The following HSD17B12 variants were observed in gnomAD, a reference collection of about 807,000 sequenced individuals.
The protein encoded by HSD17B12 is very-long-chain 3-oxoacyl-CoA reductase.
HSD17B12 carries 32 observed loss-of-function variants against 39.3 expected under a neutral mutation model. The ratio of observed to expected loss-of-function variants is 0.81; its 90% CI spans 0.61 to 1.09. The LOEUF (loss-of-function observed/expected upper bound fraction) is 1.09, where lower values mean the gene tolerates loss of function less well. Among genes scored for constraint, HSD17B12 ranks in the 50% least tolerant of loss-of-function variants. HSD17B12 has a pLI of 0.00. For missense variants in HSD17B12, 342 were observed against 382.9 expected (o/e 0.89, Z 0.89); for synonymous variants, 150 against 146.7 (o/e 1.02, Z -0.16).
intron 4 of HSD17B12, among the ~76,000 whole-genome samples, chr11:43,802,834 A>G (rs752453617): frequency 6.6e-6 from 1 of 152,214 alleles, no homozygotes; most frequent in African/African-American, 2.4e-5. Flanking sequence ...CTTTAAAATT[A>G]TGCTGTCCTT....
At chr11:43,751,035 A>C in intron 2 of HSD17B12, 78 bp downstream of exon 2, 1 of 972,972 alleles carries the variant, frequency 1.0e-6, no homozygotes, top group Non-Finnish European at 1.5e-6. Context: ...AGTAGTTTTG[A>C]TTTTTGAAGT....
At chr11:43,796,274 C>T (rs896473110) in intron 3 of HSD17B12, among the ~76,000 whole-genome samples, 10 of 151,858 alleles carry the variant, frequency 6.6e-5, no homozygotes, top group African/African-American at 2.4e-4. Context: ...ATAGGAAAAG[C>T]CGGGAACGAT....
At chr11:43,682,995 T>C (rs182575898) in intron 1 of HSD17B12, among the ~76,000 whole-genome samples, 2 of 152,202 alleles carry the variant, frequency 1.3e-5, no homozygotes, top group African/African-American at 2.4e-5. Flanking sequence ...CCTCACTCTG[T>C]TTCAGAGGCT....
the HSD17B12 span, among the ~76,000 whole-genome samples, chr11:43,566,956 C>T: frequency 1.3e-5 from 2 of 152,268 alleles, no homozygotes; most frequent in African/African-American, 4.8e-5. Flanking sequence ...TAGACTCTGT[C>T]TTGCTCCCTT....
chr11:43,716,784 GGAA>G (rs1433447235), intron 1 of HSD17B12, among the ~76,000 whole-genome samples: 1 of 149,624 alleles, frequency 6.7e-6, no homozygotes, highest in African/African-American at 2.4e-5. Context: ...AGGATGCAGT[GGAA>G]GAAGAAGGAG....
the HSD17B12 span, among the ~76,000 whole-genome samples, chr11:43,608,931 C>T: frequency 1.3e-5 from 2 of 152,124 alleles, no homozygotes; most frequent in South Asian, 2.1e-4. Flanking sequence ...TGCACAACCC[C>T]CCAACCTCTT....
intron 9 of HSD17B12, among the ~76,000 whole-genome samples, chr11:43,841,305 G>A (rs759762806): frequency 1.3e-5 from 2 of 152,124 alleles, no homozygotes; most frequent in Non-Finnish European, 2.9e-5. Flanking sequence ...TACATGATTT[G>A]CAAAGATTTT....
chr11:43,856,443 A>G lies in HSD17B12; in HGVS notation c.*1195A>G, dbSNP rs1325526017. On this transcript the variant is annotated 3_prime_UTR_variant, in exon 11 of 11. Transcript: ENST00000278353. ...ATGGGGCCTTAGCTTCTGGCTTTTAATTTTGCCAGCTAAGGACATAAAACA... is the reference window on the plus strand; with the variant it reads ...ATGGGGCCTTAGCTTCTGGCTTTTAGTTTTGCCAGCTAAGGACATAAAACA... 6.6e-6 allele frequency: 1 copy of G among 152,216 alleles called. No homozygotes were observed. The highest frequency in any genetic ancestry group is 1.5e-5 in the Non-Finnish European group (1 of 68,040). 9.4% of individuals were successfully genotyped at this position (152,216 alleles called of 1,614,324 possible). A position where few individuals can be genotyped will look rare whatever the true frequency, so the allele number is the denominator to read the frequency against.
chr11:43,833,867 AC>A (rs1219238843), intron 7 of HSD17B12: 1 of 152,218 alleles, frequency 6.6e-6, no homozygotes, highest in Non-Finnish European at 1.5e-5. Context: ...AGGTATTGTT[AC>A]CATAGATGTA....
intron 4 of HSD17B12, among the ~76,000 whole-genome samples, chr11:43,798,757 T>A (rs1192656088): frequency 6.6e-6 from 1 of 152,190 alleles, no homozygotes; most frequent in African/African-American, 2.4e-5. Flanking sequence ...AATGCCTTAG[T>A]ATTTGCGTAT....
the HSD17B12 span, among the ~76,000 whole-genome samples, chr11:43,632,964 A>T: frequency 6.6e-6 from 1 of 152,218 alleles, no homozygotes; most frequent in Admixed American, 6.5e-5. Context: ...AGAGAAAAGC[A>T]TAATATGGTA....
chr11:43,694,838 A>G (rs1949895443), intron 1 of HSD17B12, among the ~76,000 whole-genome samples: 1 of 152,188 alleles, frequency 6.6e-6, no homozygotes, highest in African/African-American at 2.4e-5. Context: ...AGAAAAGAGC[A>G]TGGGACCATG....
chr11:43,731,246 C>G (rs962181899), intron 1 of HSD17B12, among the ~76,000 whole-genome samples: 1 of 152,190 alleles, frequency 6.6e-6, no homozygotes, highest in African/African-American at 2.4e-5. Context: ...ATCTGCCCGC[C>G]TCGGCCTCCC....
At chr11:43,596,346 G>A in the HSD17B12 span, among the ~76,000 whole-genome samples, 1 of 152,060 alleles carries the variant, frequency 6.6e-6, no homozygotes, top group Non-Finnish European at 1.5e-5. Context: ...GAGTTCCTGG[G>A]TAGAGTAAAG....
At chr11:43,657,033 T>C in the HSD17B12 span, among the ~76,000 whole-genome samples, 1 of 152,154 alleles carries the variant, frequency 6.6e-6, no homozygotes, top group Non-Finnish European at 1.5e-5. Flanking sequence ...TGTGTGGGAG[T>C]CTAAGTCTCT....
the HSD17B12 span, among the ~76,000 whole-genome samples, chr11:43,649,533 A>G: frequency 3.3e-5 from 5 of 152,232 alleles, no homozygotes; most frequent in Non-Finnish European, 5.9e-5. Flanking sequence ...ATAGAAAAAA[A>G]TGGAAGGACA....
chr11:43,640,592 G>A, the HSD17B12 span, among the ~76,000 whole-genome samples: 13 of 151,894 alleles, frequency 8.6e-5, no homozygotes, highest in Non-Finnish European at 1.6e-4. Flanking sequence ...TTGAAGCTTA[G>A]ACTATAGAAA....
intron 1 of HSD17B12, among the ~76,000 whole-genome samples, chr11:43,702,490 C>A (rs951133708): frequency 6.6e-6 from 1 of 152,078 alleles, no homozygotes; most frequent in African/African-American, 2.4e-5. Context: ...CCTGCTATAC[C>A]CAGTTTTTTG....
At chr11:43,699,524 C>G (rs1345076501) in intron 1 of HSD17B12, among the ~76,000 whole-genome samples, 1 of 151,982 alleles carries the variant, frequency 6.6e-6, no homozygotes, top group Non-Finnish European at 1.5e-5. Context: ...GAGTATATAT[C>G]CAAATCTTCT....
Sources: gnomAD v4.1 joint callset for allele counts (sites outside exome capture counted in the v4.1 genomes callset) on GRCh38, gnomAD v4.1.1 for gene constraint, MANE v1.5 for transcripts, NCBI Gene and HGNC (gene_info 2026-07-23, HGNC 2026-07-21) for gene names.